Variants in PLA2G7 observed in about 807,000 individuals in gnomAD.
PLA2G7 encodes phospholipase A2 group VII.
Under a neutral mutation model 49.6 loss-of-function variants are expected in PLA2G7, and 63 were observed. That is an observed-to-expected ratio of 1.27 (90% confidence interval 1.04 to 1.57). The LOEUF is 1.57. Among genes scored for constraint, PLA2G7 ranks in the 40% most tolerant of loss-of-function variants. The pLI, the probability that PLA2G7 is intolerant of heterozygous loss-of-function variation, is 0.00. For synonymous variants in PLA2G7, 193 were observed against 169.9 expected, an observed-to-expected ratio of 1.14 and a Z score of -1.06; for missense variants, 596 against 521.2, an observed-to-expected ratio of 1.14 and a Z score of -1.40.
rs547727016 is a variant in PLA2G7, at chr6:46,717,241, T to G, written c.110-145A>C. ...ACCTAACAAGTAAGATATGCAATTA[T>G]TGAGGGTCTGCTCTGTTTGAAACAC... On this transcript the variant is annotated intron_variant, in intron 2 of 11. Transcript: ENST00000274793. 3 of 757,426 alleles carry G rather than the reference T, an allele frequency of 4.0e-6. No individual in the cohort carries two copies. In the East Asian group the frequency reaches 8.0e-5, roughly 20 times the overall value. The allele number at this position is 757,426 out of a possible 1,614,324, so 46.9% of individuals were successfully genotyped here.
At chr6:46,705,386 T>C in intron 10 of PLA2G7, 85 bp from the exon 11 acceptor site, 1 of 1,101,080 alleles carries the variant, frequency 9.1e-7, no homozygotes, top group Non-Finnish European at 1.4e-6. Flanking sequence ...GGTACTGGTC[T>C]TGTTGGTCTG....
chr6:46,731,064 GA>G (rs944443541), intron 1 of PLA2G7, among the ~76,000 whole-genome samples: 2 of 152,134 alleles, frequency 1.3e-5, no homozygotes, highest in African/African-American at 4.8e-5. Flanking sequence ...TACAAATGAG[GA>G]AGAGCTTTTT....
chr6:46,718,291 T>G (rs1765282576), intron 2 of PLA2G7, among the ~76,000 whole-genome samples: 1 of 152,242 alleles, frequency 6.6e-6, no homozygotes, highest in African/African-American at 2.4e-5. Flanking sequence ...GAAGGAGGAA[T>G]GTATTGTAAT....
rs149546252 is a variant in PLA2G7, at chr6:46,706,991, T to C, written c.1040+1000A>G. ...GCCTATACTCCATATATTTCCTTCC[T>C]GCCTCTTCTCTTCTCCTAAATAAAC... On this transcript the variant is annotated intron_variant, in intron 10 of 11. Coordinates refer to ENST00000274793, the MANE Select transcript of PLA2G7 (RefSeq NM_005084.4). Among the ~76,000 whole-genome samples, 65 of 152,276 alleles carry C rather than the reference T, an allele frequency of 4.3e-4. No individual in the cohort carries two copies. In the East Asian group the frequency reaches 0.011, roughly 25 times the overall value.
rs1227065986 is a variant in PLA2G7 at position 46,722,728 on chromosome 6, T to C, written c.109+55A>G. Reference sequence around the variant, plus strand: ...AGATGTGCAACTTCTTGGGGCCCACTTGAAGTATGGCGACAGATCAGTTGC... The same window carrying C: ...AGATGTGCAACTTCTTGGGGCCCACCTGAAGTATGGCGACAGATCAGTTGC... On this transcript the variant is annotated intron_variant, in intron 2 of 11. Transcript: ENST00000274793. The C allele has an allele frequency of 8.4e-6, 9 of 1,065,442 alleles. No individual in the cohort carries two copies. In the South Asian group the frequency reaches 1.0e-4, roughly 12 times the overall value. 66.0% of individuals were successfully genotyped at this position (1,065,442 alleles called of 1,614,324 possible).
At chr6:46,720,832 C>T (rs1002747636) in intron 2 of PLA2G7, among the ~76,000 whole-genome samples, 7 of 152,156 alleles carry the variant, frequency 4.6e-5, no homozygotes, top group African/African-American at 1.7e-4. Context: ...TGGAGATGAA[C>T]TGTATACATG....
chr6:46,716,121 A>T (rs1765191801), intron 4 of PLA2G7, among the ~76,000 whole-genome samples: 1 of 152,236 alleles, frequency 6.6e-6, no homozygotes, highest in Admixed American at 6.5e-5. Context: ...GGTATGTCAG[A>T]TGAAAACTAA....
chr6:46,704,781 A>G, intron 11 of PLA2G7, 85 bp from the exon 12 acceptor site: 1 of 823,310 alleles, frequency 1.2e-6, no homozygotes, highest in Non-Finnish European at 2.1e-6. Context: ...ATAAAGATTT[A>G]CAAATTACAC....
chr6:46,717,465 TCTC>T (rs1392469716), intron 2 of PLA2G7, among the ~76,000 whole-genome samples: 1 of 152,114 alleles, frequency 6.6e-6, no homozygotes, highest in African/African-American at 2.4e-5. Flanking sequence ...GCCTATAACT[TCTC>T]CTTGAGCATC....
intron 1 of PLA2G7, among the ~76,000 whole-genome samples, chr6:46,729,490 CA>C (rs1282230523): frequency 6.6e-6 from 1 of 152,200 alleles, no homozygotes; most frequent in Non-Finnish European, 1.5e-5. Context: ...TTTGTACATA[CA>C]GTTACCCTTC....
chr6:46,706,234 G>A (rs1056114533), intron 10 of PLA2G7, among the ~76,000 whole-genome samples: 1 of 152,158 alleles, frequency 6.6e-6, no homozygotes, highest in African/African-American at 2.4e-5. Context: ...GACTCTGCTG[G>A]TTCTTATAAG....
rs573235430 is a variant in PLA2G7, at chr6:46,730,552, C to T, written c.-35+4628G>A. Among the ~76,000 whole-genome samples the T allele has an allele frequency of 3.9e-4, 59 of 152,140 alleles. 1 individual carries two copies. The highest frequency in any genetic ancestry group is 1.2e-3 in the African/African-American group (51 of 41,486). Reference sequence around the variant, plus strand: ...GTTCATGCAATAGAATAAGGACTGGCGTGAACTGTCCTTATTCTATTTGGA... The same window carrying T: ...GTTCATGCAATAGAATAAGGACTGGTGTGAACTGTCCTTATTCTATTTGGA... On this transcript the variant is annotated intron_variant, in intron 1 of 11. Transcript: ENST00000274793.
Position 46,716,527 on chromosome 6 carries a change from C to T in PLA2G7, c.233G>A (p.Gly78Asp), listed in dbSNP as rs1765208290. Reference sequence around the variant, plus strand: ...TGGATAATATAAACGCAAGAAGGTGCCCTGTTAAGAAAGAAATTAATGCAC... The same window carrying T: ...TGGATAATATAAACGCAAGAAGGTGTCCTGTTAAGAAAGAAATTAATGCAC... ...TDLMFDHTNK[G>D]TFLRLYYPSQ... Residue 78 changes from glycine (G) to aspartate (D), a missense_variant and splice_region_variant, in exon 4 of 12, where the codon GGC (glycine) becomes GAC (aspartate). By Grantham distance (94) the Gly-to-Asp change is moderately conservative (BLOSUM62 -1). Transcript: ENST00000274793. The T allele has an allele frequency of 1.2e-6, 2 of 1,613,138 alleles. No individual in the cohort carries two copies. The highest frequency in any genetic ancestry group is 1.7e-6 in the Non-Finnish European group (2 of 1,179,444).
intron 1 of PLA2G7, among the ~76,000 whole-genome samples, chr6:46,724,498 T>C (rs958273328): frequency 2.0e-5 from 3 of 152,240 alleles, no homozygotes; most frequent in African/African-American, 7.2e-5. Context: ...GAAGATGTAA[T>C]ATAGATGTGT....
rs1310582894 is a variant in PLA2G7, at chr6:46,711,592, A to G, written c.567T>C (p.Tyr189=). The part of the protein sequence containing the change: ...HRDRSASATY[Y]FKDQSAAEIG... ...TTTCTGCAGCAGATTGGTCCTTGAA[A>G]TAGTAAGTTGCAGATGCAGATCTAT... Residue 189 remains tyrosine (Y), a synonymous_variant, in exon 7 of 12, where the codon TAT becomes TAC. Transcript: ENST00000274793. 6.2e-7 allele frequency: 1 copy of G among 1,613,620 alleles called. No individual in the cohort carries two copies. Among genetic ancestry groups the G allele is most frequent in the Non-Finnish European group, 8.5e-7 (1 of 1,179,668 alleles).
At chr6:46,734,029 G>A (rs1034162430) in intron 1 of PLA2G7, among the ~76,000 whole-genome samples, 1 of 152,138 alleles carries the variant, frequency 6.6e-6, no homozygotes, top group Non-Finnish European at 1.5e-5. Flanking sequence ...CACCACTGCA[G>A]TAATCCCAAG....
In PLA2G7 at chr6:46,717,083, T is replaced by G; in HGVS notation, c.123A>C (p.Lys41Asn). 6.2e-7 allele frequency: 1 copy of G among 1,613,722 alleles called. No homozygotes were observed. The highest frequency in any genetic ancestry group is 1.1e-5 in the South Asian group (1 of 91,070). Residue 41 changes from lysine to asparagine, a missense_variant, in exon 3 of 12, where the codon AAA (lysine) becomes AAC (asparagine). Physicochemically the swap from Lys to Asn is moderately conservative, Grantham distance 94. Transcript: ENST00000274793. ...AHMKSSAWVN[K>N]IQVLMAAASF... ...TTGCAGCAGCCATCAGTACTTGTATTTTGTTGACCCATGCTGAAAAACAGG... is the reference window on the plus strand; with the variant it reads ...TTGCAGCAGCCATCAGTACTTGTATGTTGTTGACCCATGCTGAAAAACAGG...
rs2150689639 is a variant in PLA2G7, at chr6:46,705,239, A to T, written c.1103T>A (p.Met368Lys). 1 of 1,608,140 alleles carries T rather than the reference A, an allele frequency of 6.2e-7. No individual in the cohort carries two copies. Among genetic ancestry groups the T allele is most frequent in the Non-Finnish European group, 8.5e-7 (1 of 1,174,690 alleles). ...ATCTATGTCTCCCTTTAATTTGAGC[A>T]TGTGTCCAATTATTTTGCCAGTTGC... Reference protein sequence around the residue: ...TFATGKIIGHMLKLKGDIDSN... With the variant: ...TFATGKIIGHKLKLKGDIDSN... Residue 368 changes from methionine (M) to lysine (K), a missense_variant, in exon 11 of 12, where the codon ATG becomes AAG. Transcript: ENST00000274793.
In PLA2G7 at chr6:46,716,458, T is replaced by G; in HGVS notation, c.302A>C (p.Lys101Thr). Reference protein sequence around the residue: ...DRLDTLWIPNKEYFWGLSKFL... With the variant: ...DRLDTLWIPNTEYFWGLSKFL... ...TTTGCTAAGACCCCAAAAATATTCT[T>G]TATTTGGGATCCAAAGGGTGTCAAG... Residue 101 changes from lysine to threonine, a missense_variant, in exon 4 of 12, where the codon AAA becomes ACA. Coordinates refer to ENST00000274793, the MANE Select transcript of PLA2G7 (RefSeq NM_005084.4). 2 of 1,613,476 alleles carry G rather than the reference T, an allele frequency of 1.2e-6. No homozygotes were observed. The highest frequency in any genetic ancestry group is 1.7e-6 in the Non-Finnish European group (2 of 1,179,410).
Sources: allele counts gnomAD v4.1 joint callset (sites outside exome capture counted in the v4.1 genomes callset), GRCh38; gene constraint gnomAD v4.1.1; transcripts MANE v1.5; gene names NCBI Gene and HGNC (gene_info 2026-07-23, HGNC 2026-07-21).